ITSN2: variants seen among roughly 807,000 people sequenced by gnomAD.
The protein encoded by ITSN2 is intersectin-2.
A neutral mutation model predicts 243.7 loss-of-function variants in ITSN2; 156 were observed. That is an observed-to-expected ratio of 0.64 (90% CI 0.56 to 0.73). ITSN2 has a LOEUF of 0.73. Ranked by LOEUF, ITSN2 falls within the 30% of genes least tolerant of loss-of-function variation. The pLI, the probability that ITSN2 is intolerant of heterozygous loss-of-function variation, is 0.00. For missense variants in ITSN2, 1,801 were observed against 1,996.1 expected, an observed-to-expected ratio of 0.90 and a Z score of 1.86; for synonymous variants, 703 against 699.9, an observed-to-expected ratio of 1.00 and a Z score of -0.07.
At chr2:24,333,968 C>A (rs1047364162) in intron 1 of ITSN2, among the ~76,000 whole-genome samples, 1 of 152,182 alleles carries the variant, frequency 6.6e-6, no homozygotes, top group Non-Finnish European at 1.5e-5. Flanking sequence ...CGGCTCACTG[C>A]AACCTCCACT....
chr2:24,237,077 G>A (rs1672247824), intron 29 of ITSN2, among the ~76,000 whole-genome samples: 1 of 151,958 alleles, frequency 6.6e-6, no homozygotes, highest in African/African-American at 2.4e-5. Flanking sequence ...CTAGTGTAGA[G>A]GCTAACAGCA....
chr2:24,255,891 A>T (rs1674968785), intron 23 of ITSN2, among the ~76,000 whole-genome samples: 1 of 152,202 alleles, frequency 6.6e-6, no homozygotes, highest in Non-Finnish European at 1.5e-5. Flanking sequence ...CTCTGCTAAA[A>T]ATACAAAAAA....
At chr2:24,335,783 G>A (rs973676326) in intron 1 of ITSN2, among the ~76,000 whole-genome samples, 5 of 151,936 alleles carry the variant, frequency 3.3e-5, no homozygotes, top group Middle Eastern at 3.4e-3. Context: ...GGATTAAGGT[G>A]CCTGCCACCA....
At chr2:24,327,418 C>T (rs1245716255) in intron 2 of ITSN2, among the ~76,000 whole-genome samples, 1 of 151,934 alleles carries the variant, frequency 6.6e-6, no homozygotes, top group African/African-American at 2.4e-5. Flanking sequence ...CCTGCCTCAA[C>T]CTCCCAAGCA....
rs754414373 is a variant in ITSN2, at chr2:24,204,443, CATGTGGTGCATGCAGGTA to C, written c.4763-43_4763-26del. The C allele has an allele frequency of 6.2e-6, 10 of 1,604,504 alleles. No homozygotes were observed. The African/African-American group carries it at 1.2e-4, about 19-fold the overall frequency. ...CCTGAACAAAAACAAACCACAGACA[CATGTGGTGCATGCAGGTA>C]AAACGAAGCGACTGACAGTGCCCTC... is the stretch of plus-strand genomic sequence containing the variant. On this transcript the variant is annotated intron_variant, in intron 38 of 39. Transcript: ENST00000355123. The surrounding 1 kb of genome is among the most constrained non-coding windows in gnomAD (Gnocchi z 5.1).
chr2:24,224,893 G>A (rs771583600), intron 29 of ITSN2, among the ~76,000 whole-genome samples: 10 of 152,190 alleles, frequency 6.6e-5, no homozygotes, highest in Non-Finnish European at 1.5e-4. Context: ...GCCTCTCGAA[G>A]TGCTGGGATT....
rs1408250604 is a variant in ITSN2, at chr2:24,246,322, T to A, written c.3386-2A>T. On this transcript the variant is annotated splice_acceptor_variant, in intron 28 of 39. Coordinates refer to ENST00000355123, the MANE Select transcript of ITSN2 (RefSeq NM_006277.3). LOFTEE classifies it high-confidence loss of function. ...CATACATAGCAATCACCTGACATAC[T>A]ATCACAAGAATAACAAAATAACACA... 3.2e-6 allele frequency: 5 copies of A among 1,581,242 alleles called. No homozygotes were observed. Among genetic ancestry groups the A allele is most frequent in the Non-Finnish European group, 4.3e-6 (5 of 1,156,524 alleles).
chr2:24,284,495 T>C (rs1343182447), intron 17 of ITSN2, among the ~76,000 whole-genome samples: 1 of 152,182 alleles, frequency 6.6e-6, no homozygotes, highest in Non-Finnish European at 1.5e-5. Context: ...CCAGGGATGT[T>C]GTAAAGGAAC....
chr2:24,339,742 G>A (rs1363553271), intron 1 of ITSN2, among the ~76,000 whole-genome samples: 2 of 152,196 alleles, frequency 1.3e-5, no homozygotes, highest in South Asian at 4.2e-4. Context: ...AACTAAATAG[G>A]TCAGGTGTGG....
In ITSN2 at chr2:24,251,309, C is replaced by CAAAAAAAAAATTAAAAAA. The variant is rs1275035112; in HGVS notation, c.3120+1035_3120+1036insTTTTTTAATTTTTTTTTT. The stretch of plus-strand genomic sequence containing the variant: ...TGGGCAACAGAACTAAACTCCATCT[C>CAAAAAAAAAATTAAAAAA]AAAAAAAAAAAAAAATAAAATATAT... On this transcript the variant is annotated intron_variant, in intron 25 of 39. Coordinates refer to ENST00000355123, the MANE Select transcript of ITSN2 (RefSeq NM_006277.3). Among the ~76,000 whole-genome samples the CAAAAAAAAAATTAAAAAA allele has an allele frequency of 1.8e-4, 4 of 22,012 alleles. 2 individuals carry two copies. Among genetic ancestry groups the CAAAAAAAAAATTAAAAAA allele is most frequent in the Non-Finnish European group, 2.9e-4 (4 of 13,752 alleles). 14.4% of individuals were successfully genotyped at this position (22,012 alleles called of 152,430 possible).
chr2:24,334,495 A>G, intron 1 of ITSN2: 4 of 700,144 alleles, frequency 5.7e-6, no homozygotes, highest in Non-Finnish European at 7.8e-6. Flanking sequence ...TTCCGTGCCA[A>G]TAGCGCTCAT....
At chr2:24,205,192 A>C (rs1162659776) in intron 38 of ITSN2, 22 bp downstream of exon 38, 2 of 1,602,324 alleles carry the variant, frequency 1.2e-6, no homozygotes, top group East Asian at 4.5e-5. Flanking sequence ...ATGTCTGCTG[A>C]ATGAATCAAG....
At chr2:24,266,147 C>G (rs1676634534) in intron 20 of ITSN2, among the ~76,000 whole-genome samples, 1 of 152,220 alleles carries the variant, frequency 6.6e-6, no homozygotes, top group Non-Finnish European at 1.5e-5. Context: ...TTCCCCAATT[C>G]TATTTGGTTG....
At chr2:24,352,257 G>A (rs1446702045) in intron 1 of ITSN2, among the ~76,000 whole-genome samples, 1 of 152,110 alleles carries the variant, frequency 6.6e-6, no homozygotes, top group Non-Finnish European at 1.5e-5. Flanking sequence ...GTCATGTCTG[G>A]AAAACATCTG....
chr2:24,351,001 T>C (rs957614079), intron 1 of ITSN2, among the ~76,000 whole-genome samples: 7 of 152,188 alleles, frequency 4.6e-5, no homozygotes, highest in Non-Finnish European at 8.8e-5. Context: ...AATTTTACAA[T>C]ATGTATCTCA....
Position 24,308,601 on chromosome 2 carries a change from A to T in ITSN2, c.793+16T>A. On this transcript the variant is annotated intron_variant, in intron 8 of 39. Coordinates refer to ENST00000355123, the MANE Select transcript of ITSN2 (RefSeq NM_006277.3). ...AAGACCCTTTTTCATGCTCTTCAGCACTGTATGCTGCTTACCTGAGAGATA... is the reference window on the plus strand; with the variant it reads ...AAGACCCTTTTTCATGCTCTTCAGCTCTGTATGCTGCTTACCTGAGAGATA... The T allele has an allele frequency of 6.9e-7, 1 of 1,447,002 alleles. No individual in the cohort carries two copies. Among genetic ancestry groups the T allele is most frequent in the African/African-American group, 1.4e-5 (1 of 69,414 alleles). 89.6% of individuals were successfully genotyped at this position (1,447,002 alleles called of 1,614,324 possible).
intron 35 of ITSN2, 113 bp downstream of exon 35, chr2:24,209,705 A>G (rs1337696603): frequency 4.3e-5 from 34 of 799,006 alleles, no homozygotes; most frequent in Non-Finnish European, 6.7e-5. Flanking sequence ...AGCGATCTGG[A>G]ACCAGGTGAG....
At chr2:24,322,388 A>G (rs1019221096) in intron 2 of ITSN2, among the ~76,000 whole-genome samples, 6 of 152,202 alleles carry the variant, frequency 3.9e-5, no homozygotes, top group African/African-American at 1.4e-4. Flanking sequence ...GGCTTAATTA[A>G]GAGTCTTAAA....
At chr2:24,334,547 T>C in intron 1 of ITSN2, 3 of 876,404 alleles carry the variant, frequency 3.4e-6, no homozygotes, top group Admixed American at 3.5e-5. Flanking sequence ...GGACTTTCTG[T>C]AAGAAGTGTG....
Sources: gnomAD v4.1 joint callset for allele counts (sites outside exome capture counted in the v4.1 genomes callset) on GRCh38, gnomAD v4.1.1 for gene constraint, Gnocchi (gnomAD v3.1) non-coding constraint, MANE v1.5 for transcripts, NCBI Gene and HGNC (gene_info 2026-07-23, HGNC 2026-07-21) for gene names.